CDH9: variants seen among roughly 807,000 people sequenced by gnomAD.
The protein encoded by CDH9 is cadherin-9.
A neutral mutation model predicts 70.9 loss-of-function variants in CDH9; 28 were observed. That is an observed-to-expected ratio of 0.40 (90% confidence interval 0.29 to 0.54). The LOEUF (loss-of-function observed/expected upper bound fraction) is 0.54, where lower values mean the gene tolerates loss of function less well. Ranked by LOEUF, CDH9 falls within the 20% of genes least tolerant of loss-of-function variation. CDH9 has a pLI of 0.59. For missense variants in CDH9, 874 were observed against 984.4 expected, an observed-to-expected ratio of 0.89 and a Z score of 1.50; for synonymous variants, 409 against 343.1, an observed-to-expected ratio of 1.19 and a Z score of -2.12.
At chr5:26,970,463 A>G (rs983965018) in intron 2 of CDH9, among the ~76,000 whole-genome samples, 1 of 152,082 alleles carries the variant, frequency 6.6e-6, no homozygotes, top group African/African-American at 2.4e-5. Flanking sequence ...CACTGCATCT[A>G]TGTATACACA....
chr5:26,928,287 C>T lies in CDH9; in HGVS notation c.229-12363G>A, dbSNP rs534176416. On this transcript the variant is annotated intron_variant, in intron 2 of 11. Coordinates refer to ENST00000231021, the MANE Select transcript of CDH9 (RefSeq NM_016279.4). ...ATAAAATACATAAGAGTTTACCTCA[C>T]GAAAGAAGTGAGAGATCTCTGCAAT... Among the ~76,000 whole-genome samples, 39 of 151,916 alleles carry T rather than the reference C, an allele frequency of 2.6e-4. No individual in the cohort carries two copies. The East Asian group carries it at 7.2e-3, about 28-fold the overall frequency.
Position 26,894,792 on chromosome 5 carries a change from CT to C in CDH9, c.1254-4229del, listed in dbSNP as rs201616819. ...TAACAACAATATTTTATTGGTCCCC[CT>C]GCATTGAATTTTGAACAATCAGTTT... On this transcript the variant is annotated intron_variant, in intron 7 of 11. Transcript: ENST00000231021. 4.1e-3 allele frequency among the ~76,000 whole-genome samples: 626 copies of C among 152,134 alleles called. 3 individuals carry two copies. The highest frequency in any genetic ancestry group is 0.014 in the African/African-American group (593 of 41,524).
chr5:27,029,527 G>A (rs1191187197), intron 1 of CDH9, among the ~76,000 whole-genome samples: 1 of 152,020 alleles, frequency 6.6e-6, no homozygotes, highest in Non-Finnish European at 1.5e-5. Flanking sequence ...TCTATGTGAA[G>A]TTGTTTGAAA....
At chr5:26,973,551 T>G (rs774593743) in intron 2 of CDH9, among the ~76,000 whole-genome samples, 3 of 152,122 alleles carry the variant, frequency 2.0e-5, no homozygotes, top group African/African-American at 7.2e-5. Flanking sequence ...ATTGCAAACA[T>G]GTAATTATAT....
At chr5:27,000,028 A>T (rs1279234955) in intron 1 of CDH9, among the ~76,000 whole-genome samples, 1 of 152,164 alleles carries the variant, frequency 6.6e-6, no homozygotes, top group Non-Finnish European at 1.5e-5. Flanking sequence ...TAAAAAAATG[A>T]TAACATGGAT....
At chr5:26,995,149 C>G (rs1050485720) in intron 1 of CDH9, among the ~76,000 whole-genome samples, 2 of 152,114 alleles carry the variant, frequency 1.3e-5, no homozygotes, top group Non-Finnish European at 2.9e-5. Context: ...GGTATTGTGT[C>G]TTGCATAAAA....
At chr5:26,905,922 A>G in intron 5 of CDH9, 37 bp downstream of exon 5, 4 of 1,530,120 alleles carry the variant, frequency 2.6e-6, no homozygotes, top group Non-Finnish European at 3.6e-6. Context: ...TGTATTTGAG[A>G]AGTTTTTGGA....
chr5:26,917,389 C>G (rs760571134), intron 2 of CDH9, among the ~76,000 whole-genome samples: 19 of 151,676 alleles, frequency 1.3e-4, no homozygotes, highest in South Asian at 2.1e-4. Flanking sequence ...AAATAATAAA[C>G]TATATATTTG....
chr5:27,038,404 G>C (rs1182238876), intron 1 of CDH9, 59 bp downstream of exon 1: 1 of 151,772 alleles, frequency 6.6e-6, no homozygotes, highest in South Asian at 2.1e-4. Flanking sequence ...GTACTACTTC[G>C]TTATAAGAAA....
intron 2 of CDH9, among the ~76,000 whole-genome samples, chr5:26,960,798 A>G (rs147487422): frequency 0.03 from 1,825 of 60,078 alleles, 36 homozygotes; most frequent in African/African-American, 0.049. Flanking sequence ...TGTAAAAGTA[A>G]TTCTATCCAC....
intron 2 of CDH9, among the ~76,000 whole-genome samples, chr5:26,948,995 C>T (rs1191641382): frequency 6.6e-6 from 1 of 152,126 alleles, no homozygotes; most frequent in African/African-American, 2.4e-5. Context: ...CCACTGGTGC[C>T]AGACTTGCCT....
At chr5:26,988,403 A>C (rs1209433794) in intron 1 of CDH9, 21 bp from the exon 2 acceptor site, 18 of 1,558,694 alleles carry the variant, frequency 1.2e-5, no homozygotes. Context: ...AGGAGAAAAA[A>C]AATGGCTGTA....
At chr5:26,943,213 A>C in intron 2 of CDH9, among the ~76,000 whole-genome samples, 1 of 152,104 alleles carries the variant, frequency 6.6e-6, no homozygotes, top group Non-Finnish European at 1.5e-5. Flanking sequence ...ATCACTGGGG[A>C]AAATAGCTAA....
At chr5:26,943,962 G>A (rs1277544218) in intron 2 of CDH9, among the ~76,000 whole-genome samples, 1 of 152,060 alleles carries the variant, frequency 6.6e-6, no homozygotes, top group Non-Finnish European at 1.5e-5. Flanking sequence ...ATTAAATTCA[G>A]CCTATGAAAT....
intron 2 of CDH9, among the ~76,000 whole-genome samples, chr5:26,932,345 A>G (rs1741477440): frequency 6.6e-6 from 1 of 152,052 alleles, no homozygotes; most frequent in South Asian, 2.1e-4. Context: ...AAAGACCTGA[A>G]TATAATGGTA....
intron 1 of CDH9, among the ~76,000 whole-genome samples, chr5:27,024,395 C>G (rs1447531846): frequency 1.3e-5 from 2 of 151,980 alleles, no homozygotes; most frequent in South Asian, 4.1e-4. Flanking sequence ...AGTGTCACAT[C>G]AAGTAAAATC....
chr5:26,922,560 C>T (rs376508687), intron 2 of CDH9, among the ~76,000 whole-genome samples: 23 of 151,948 alleles, frequency 1.5e-4, no homozygotes, highest in East Asian at 9.7e-4. Context: ...GGGACTTCAT[C>T]AACACCAGAC....
At chr5:26,940,514 A>G (rs1315788294) in intron 2 of CDH9, among the ~76,000 whole-genome samples, 3 of 144,148 alleles carry the variant, frequency 2.1e-5, no homozygotes, top group Non-Finnish European at 4.4e-5. Context: ...CCAAAAGGTT[A>G]TAAAAGGTTA....
intron 2 of CDH9, 105 bp downstream of exon 2, chr5:26,987,997 ATAAT>A: frequency 1.4e-6 from 1 of 737,556 alleles, no homozygotes; most frequent in Non-Finnish European, 2.2e-6. Flanking sequence ...CCTTCAGAAC[ATAAT>A]TAGTTAAATA....
Sources: allele counts gnomAD v4.1 joint callset (sites outside exome capture counted in the v4.1 genomes callset), GRCh38; gene constraint gnomAD v4.1.1; transcripts MANE v1.5; gene names NCBI Gene and HGNC (gene_info 2026-07-23, HGNC 2026-07-21).